Variants in KLHL1 observed in about 807,000 individuals in gnomAD.
KLHL1 encodes the protein kelch like family member 1.
In KLHL1, 47 loss-of-function variants were observed where a neutral mutation model predicts 77.7. The observed-to-expected ratio is 0.60, with a 90% CI of 0.48 to 0.77. KLHL1 has a LOEUF of 0.77. Among genes scored for constraint, KLHL1 ranks in the 30% least tolerant of loss-of-function variants. The probability of loss-of-function intolerance (pLI) is 0.00; values close to 1 mark genes in which losing one functional copy is unlikely to be tolerated. For synonymous variants in KLHL1, 360 were observed against 325.2 expected, an observed-to-expected ratio of 1.11 and a Z score of -1.15; for missense variants, 925 against 910.8, an observed-to-expected ratio of 1.02 and a Z score of -0.20.
At chr13:69,855,367 G>GAC (rs1363132001) in intron 5 of KLHL1, among the ~76,000 whole-genome samples, 6,272 of 137,732 alleles carry the variant, frequency 0.046, 204 homozygotes, top group African/African-American at 0.059. Flanking sequence ...TAGATACATA[G>GAC]AGAGATAGAT....
chr13:69,815,988 T>C (rs921861657), intron 6 of KLHL1, among the ~76,000 whole-genome samples: 3 of 151,596 alleles, frequency 2.0e-5, no homozygotes, highest in African/African-American at 7.3e-5. Flanking sequence ...ATAAAACATA[T>C]TAATCAAGAG....
intron 9 of KLHL1, among the ~76,000 whole-genome samples, chr13:69,717,191 A>G (rs9542039): frequency 0.51 from 77,639 of 151,940 alleles, 20,705 homozygotes; most frequent in East Asian, 0.67. Context: ...AATGTGATCT[A>G]TCCATCTCTC....
intron 1 of KLHL1, among the ~76,000 whole-genome samples, chr13:70,056,800 A>G (rs1180128758): frequency 6.6e-6 from 1 of 152,134 alleles, no homozygotes; most frequent in Non-Finnish European, 1.5e-5. Context: ...CAATGTACAA[A>G]AACTATGAAA....
chr13:70,070,374 T>C (rs1462643740), intron 1 of KLHL1, among the ~76,000 whole-genome samples: 2 of 151,988 alleles, frequency 1.3e-5, no homozygotes, highest in African/African-American at 4.8e-5. Flanking sequence ...GGGAAGCATG[T>C]ATCTATAGAA....
intron 4 of KLHL1, among the ~76,000 whole-genome samples, chr13:69,915,047 C>G (rs1882375795): frequency 6.6e-6 from 1 of 152,032 alleles, no homozygotes; most frequent in Non-Finnish European, 1.5e-5. Context: ...TGGTACTGCT[C>G]ATTGGAATGC....
At chr13:69,737,504 G>T (rs948842682) in intron 8 of KLHL1, among the ~76,000 whole-genome samples, 1 of 152,206 alleles carries the variant, frequency 6.6e-6, no homozygotes, top group Non-Finnish European at 1.5e-5. Context: ...GAGAGGGAAG[G>T]GCTGCTGCCA....
At chr13:69,781,177 A>G (rs971067135) in intron 7 of KLHL1, among the ~76,000 whole-genome samples, 5 of 152,162 alleles carry the variant, frequency 3.3e-5, no homozygotes, top group Admixed American at 3.3e-4. Context: ...TAATGTCAAG[A>G]ACTCTGTGAA....
chr13:69,735,540 T>C (rs1041594550), intron 8 of KLHL1, among the ~76,000 whole-genome samples: 1 of 149,432 alleles, frequency 6.7e-6, no homozygotes, highest in African/African-American at 2.4e-5. Flanking sequence ...TTTAATTATG[T>C]AATTATTAAT....
At chr13:69,863,666 G>C (rs1473559373) in intron 5 of KLHL1, among the ~76,000 whole-genome samples, 2 of 151,686 alleles carry the variant, frequency 1.3e-5, no homozygotes, top group African/African-American at 4.8e-5. Flanking sequence ...GTATTTCTTT[G>C]TTTCAGTTGT....
chr13:69,883,131 AG>A (rs1333160795), intron 4 of KLHL1, among the ~76,000 whole-genome samples: 4 of 152,260 alleles, frequency 2.6e-5, no homozygotes, highest in African/African-American at 9.6e-5. Context: ...CTCTATTCTT[AG>A]CTTCTCAGTT....
At chr13:69,898,876 C>T (rs900916645) in intron 4 of KLHL1, among the ~76,000 whole-genome samples, 1 of 152,176 alleles carries the variant, frequency 6.6e-6, no homozygotes, top group Non-Finnish European at 1.5e-5. Flanking sequence ...CCTGGAGACT[C>T]ACCATTGATT....
At position 69,940,139 on chromosome 13, in the gene KLHL1, G is replaced by A. The variant is rs574190545; in HGVS notation, c.915C>T (p.Leu305=). Residue 305 remains leucine, a synonymous_variant, in exon 4 of 11, where the codon CTC becomes CTT. Transcript: ENST00000377844. ...PQVVEVCCHF[L]MKLLHPSNCL... ...AGTTAGATGGATGCAAAAGCTTCAT[G>A]AGGAAGTGGCAGCACACTTCCACCA... is the stretch of plus-strand genomic sequence containing the variant. 1 of 1,612,968 alleles carries A rather than the reference G, an allele frequency of 6.2e-7. No individual in the cohort carries two copies. The highest frequency in any genetic ancestry group is 8.5e-7 in the Non-Finnish European group (1 of 1,179,528).
chr13:69,939,892 G>A (rs1883313763), intron 4 of KLHL1, 148 bp downstream of exon 4: 2 of 475,060 alleles, frequency 4.2e-6, no homozygotes, highest in South Asian at 9.3e-5. Context: ...AATACATTAT[G>A]GTACGCTATA....
At chr13:69,813,910 T>A (rs941755142) in intron 6 of KLHL1, among the ~76,000 whole-genome samples, 2 of 152,158 alleles carry the variant, frequency 1.3e-5, no homozygotes, top group African/African-American at 4.8e-5. Context: ...AAAATTCATA[T>A]GGAACCAAAA....
intron 1 of KLHL1, among the ~76,000 whole-genome samples, chr13:69,976,556 T>C (rs567357013): frequency 6.6e-6 from 1 of 152,066 alleles, no homozygotes; most frequent in Non-Finnish European, 1.5e-5. Flanking sequence ...AGTTTCATGA[T>C]AGACACATGA....
At position 69,749,296 on chromosome 13, in the gene KLHL1, G is replaced by A. The variant is rs187337486; in HGVS notation, c.1640-8740C>T. 3.4e-3 allele frequency among the ~76,000 whole-genome samples: 512 copies of A among 151,964 alleles called. 2 individuals are homozygous for A. The highest frequency in any genetic ancestry group is 0.017 in the Middle Eastern group (5 of 294). ...TATGTTCAGTATCAATATTAAAACT[G>A]CATTCTAAAAATAATTATCTAATAG... is the stretch of plus-strand genomic sequence containing the variant. On this transcript the variant is annotated intron_variant, in intron 7 of 10. Coordinates refer to ENST00000377844, the MANE Select transcript of KLHL1 (RefSeq NM_020866.3).
intron 9 of KLHL1, among the ~76,000 whole-genome samples, chr13:69,710,544 A>C (rs569348623): frequency 6.6e-6 from 1 of 152,204 alleles, no homozygotes; most frequent in Non-Finnish European, 1.5e-5. Context: ...GATCACACAG[A>C]TTTAAAATCT....
chr13:69,738,699 G>GA (rs898675893), intron 8 of KLHL1, among the ~76,000 whole-genome samples: 4 of 151,946 alleles, frequency 2.6e-5, no homozygotes, highest in Non-Finnish European at 2.9e-5. Context: ...TAAGATTAGA[G>GA]AAAAAAATAA....
chr13:69,777,397 T>G lies in KLHL1; in HGVS notation c.1639+19341A>C, dbSNP rs796263235. 7.8e-4 allele frequency among the ~76,000 whole-genome samples: 119 copies of G among 152,312 alleles called. 1 individual carries two copies. Among genetic ancestry groups the G allele is most frequent in the African/African-American group, 2.6e-3 (110 of 41,580 alleles). The stretch of plus-strand genomic sequence containing the variant: ...TTATCCCAAATTAATATTTGATTAT[T>G]AAATTAAAATTTTAATTGAATTATT... On this transcript the variant is annotated intron_variant, in intron 7 of 10. Coordinates refer to ENST00000377844, the MANE Select transcript of KLHL1 (RefSeq NM_020866.3).
Sources: allele counts gnomAD v4.1 joint callset (sites outside exome capture counted in the v4.1 genomes callset), GRCh38; gene constraint gnomAD v4.1.1; transcripts MANE v1.5; gene names NCBI Gene and HGNC (gene_info 2026-07-23, HGNC 2026-07-21).